The following MUC20 variants were observed in gnomAD, a reference collection of about 807,000 sequenced individuals.
MUC20 encodes mucin 20, cell surface associated.
A neutral mutation model predicts 23.8 loss-of-function variants in MUC20; 14 were observed. The observed-to-expected ratio is 0.59, with a 90% CI of 0.39 to 0.92. The LOEUF (loss-of-function observed/expected upper bound fraction) is 0.92. Ranked by LOEUF, MUC20 falls within the 40% of genes least tolerant of loss-of-function variation. The probability of loss-of-function intolerance (pLI) is 0.00; values close to 1 mark genes in which losing one functional copy is unlikely to be tolerated. For missense variants in MUC20, 375 were observed against 668.8 expected (o/e 0.56, Z 4.85); for synonymous variants, 166 against 279.3 (o/e 0.59, Z 4.04).
chr3:195,732,816 A>G (rs1274163348), intron 3 of MUC20, among the ~76,000 whole-genome samples: 1 of 152,238 alleles, frequency 6.6e-6, no homozygotes, highest in Non-Finnish European at 1.5e-5. Context: ...GGACAGCCCA[A>G]CAGTTTGGGC....
Position 195,726,128 on chromosome 3 carries a change from G to T in MUC20, c.1525G>T (p.Glu509Ter), listed in dbSNP as rs757903437. ...PLPTNSATER[E>*]VTAPGATTLS... is the part of the protein sequence containing the mutation. ...CCCCACTAACAGCGCCACAGAAAGAGAAGTGACAGCACCCGGGGCCACGAC... is the reference window on the plus strand; with the variant it reads ...CCCCACTAACAGCGCCACAGAAAGATAAGTGACAGCACCCGGGGCCACGAC... The change falls in exon 2 of 4, where the codon GAA (glutamate) becomes TAA (stop). Residue 509 changes from glutamate (E) to a stop codon, truncating the protein, a stop_gained. Coordinates refer to ENST00000447234, the MANE Select transcript of MUC20 (RefSeq NM_001282506.2). LOFTEE classifies it high-confidence loss of function. 4 of 1,608,730 alleles carry T rather than the reference G, an allele frequency of 2.5e-6. No homozygotes were observed. Among genetic ancestry groups the T allele is most frequent in the South Asian group, 2.2e-5 (2 of 90,914 alleles).
chr3:195,729,932 AT>A, intron 3 of MUC20, 193 bp downstream of exon 3: 1 of 623,748 alleles, frequency 1.6e-6, no homozygotes, highest in Admixed American at 2.9e-5. Context: ...CGAGTTCTTC[AT>A]TTCCTTCTCT....
chr3:195,725,797 C>T lies in MUC20; in HGVS notation c.1194C>T (p.Pro398=), dbSNP rs201581458. 2 of 682,780 alleles carry T rather than the reference C, an allele frequency of 2.9e-6. No individual in the cohort carries two copies. The highest frequency in any genetic ancestry group is 4.3e-6 in the Non-Finnish European group (2 of 463,680). The allele number at this position is 682,780 out of a possible 1,614,324, so 42.3% of individuals were successfully genotyped here. The change falls in exon 2 of 4, where the codon CCC becomes CCT. Residue 398 remains proline (P), a synonymous_variant. Transcript: ENST00000447234. ...SSDGPHPVIT[P]SWSPGSDVTL... ...ACGGCCCCCATCCAGTCATCACCCC[C>T]TCATGGTCCCCGGGATCTGACGTCA... is the stretch of plus-strand genomic sequence containing the variant.
At position 195,725,805 on chromosome 3, in the gene MUC20, C is replaced by T; in HGVS notation, c.1202C>T (p.Ser401Phe). Residue 401 changes from serine to phenylalanine, a missense_variant, in exon 2 of 4, where the codon TCC (serine) becomes TTC (phenylalanine). Physicochemically the swap from Ser to Phe is radical, Grantham distance 155. Transcript: ENST00000447234. ...GPHPVITPSW[S>F]PGSDVTLLAE... The stretch of plus-strand genomic sequence containing the variant: ...CATCCAGTCATCACCCCCTCATGGT[C>T]CCCGGGATCTGACGTCACTCTCCTC... The T allele has an allele frequency of 6.4e-7, 1 of 1,569,294 alleles. No individual in the cohort carries two copies. Among genetic ancestry groups the T allele is most frequent in the Non-Finnish European group, 8.7e-7 (1 of 1,147,660 alleles).
intron 1 of MUC20, among the ~76,000 whole-genome samples, chr3:195,723,094 G>A (rs868173068): frequency 0.064 from 8,983 of 141,314 alleles, 3 homozygotes; most frequent in African/African-American, 0.23. Flanking sequence ...ATGGAGGCTG[G>A]GAGGGGTCTA....
chr3:195,721,053 TG>T lies in MUC20; in HGVS notation c.49del (p.Glu17ArgfsTer20). ...GLALPLFFFC[W>X]EVGVSGSSAG... ...GGCTCTGCCCCTTTTCTTCTTCTGCTGGGAGGTTGGGGTCTCTGGGAGCTCT... is the reference window on the plus strand; with the variant it reads ...GGCTCTGCCCCTTTTCTTCTTCTGCTGGAGGTTGGGGTCTCTGGGAGCTCT... On this transcript the variant is annotated frameshift_variant, in exon 1 of 4. Coordinates refer to ENST00000447234, the MANE Select transcript of MUC20 (RefSeq NM_001282506.2). LOFTEE classifies it high-confidence loss of function. 6.3e-7 allele frequency: 1 copy of T among 1,589,458 alleles called. No individual in the cohort carries two copies. The highest frequency in any genetic ancestry group is 1.2e-5 in the South Asian group (1 of 86,806).
chr3:195,726,599 G>C (rs373208364), intron 2 of MUC20, 27 bp downstream of exon 2: 1 of 1,543,946 alleles, frequency 6.5e-7, no homozygotes, highest in Admixed American at 1.7e-5. Flanking sequence ...GGTGATCTTC[G>C]GGGATTTGGG....
rs781501190 is a variant in MUC20, at chr3:195,726,528, C to A, written c.1925C>A (p.Thr642Lys). Residue 642 changes from threonine (T) to lysine (K), a missense_variant, in exon 2 of 4, where the codon ACG (threonine) becomes AAG (lysine). Thr to Lys is a moderately conservative substitution (Grantham distance 78). Transcript: ENST00000447234. ...ACCACGATGAAGCCCCCAACAGCCA[C>A]GCCCACGACTGCCCGGACGAGGCCG... ...AKTTMKPPTA[T>K]PTTARTRPTT... is the part of the protein sequence containing the mutation. 3.1e-6 allele frequency: 5 copies of A among 1,614,008 alleles called. No individual in the cohort carries two copies. Among genetic ancestry groups the A allele is most frequent in the Admixed American group, 1.7e-5 (1 of 60,032 alleles).
chr3:195,728,189 T>G (rs1239629822), intron 2 of MUC20, among the ~76,000 whole-genome samples: 1 of 152,262 alleles, frequency 6.6e-6, no homozygotes, highest in Non-Finnish European at 1.5e-5. Flanking sequence ...AGAGACAAAG[T>G]ATAGAGAAAC....
rs368978699 is a variant in MUC20 at position 195,733,167 on chromosome 3, C to T, written c.2079C>T (p.His693=). 1.0e-4 allele frequency: 165 copies of T among 1,593,252 alleles called. No individual in the cohort carries two copies. The African/African-American group carries it at 1.6e-3, about 15-fold the overall frequency. ...RLMQQLHREL[H]AHAPHFQVSL... ...CTCTCCAGCTCCACCGGGAACTCCACGCCCACGCGCCTCACTTCCAGGTCT... is the reference window on the plus strand; with the variant it reads ...CTCTCCAGCTCCACCGGGAACTCCATGCCCACGCGCCTCACTTCCAGGTCT... The change falls in exon 4 of 4, where the codon CAC becomes CAT. Residue 693 remains histidine (H), a synonymous_variant. Coordinates refer to ENST00000447234, the MANE Select transcript of MUC20 (RefSeq NM_001282506.2).
rs201907823 is a variant in MUC20, at chr3:195,721,040, TTTC to T, written c.41_43del (p.Phe14del). Reference sequence around the variant, plus strand: ...GTCTCTGGGGTCTGGCTCTGCCCCTTTTCTTCTTCTGCTGGGAGGTTGGGGTCT... The same window carrying T: ...GTCTCTGGGGTCTGGCTCTGCCCCTTTTCTTCTGCTGGGAGGTTGGGGTCT... On this transcript the variant is annotated inframe_deletion, in exon 1 of 4. Transcript: ENST00000447234. 0.014 allele frequency: 22,450 copies of T among 1,560,140 alleles called. 34 individuals carry two copies. Among genetic ancestry groups the T allele is most frequent in the African/African-American group, 0.083 (5,551 of 67,070 alleles).
At chr3:195,727,653 C>T (rs1036333306) in intron 2 of MUC20, among the ~76,000 whole-genome samples, 10 of 152,292 alleles carry the variant, frequency 6.6e-5, no homozygotes. Context: ...TATTGAATAT[C>T]TTTCATGTTA....
chr3:195,729,871 G>A (rs1060477), intron 3 of MUC20, 132 bp downstream of exon 3: 62,512 of 859,166 alleles, frequency 0.073, 4 homozygotes, highest in East Asian at 0.41. Context: ...ACGGAGAATT[G>A]GGAGCTGAAT....
Position 195,733,339 on chromosome 3 carries a change from A to G in MUC20, c.*121A>G, listed in dbSNP as rs1713597783. 3 of 1,513,044 alleles carry G rather than the reference A, an allele frequency of 2.0e-6. No homozygotes were observed. Among genetic ancestry groups the G allele is most frequent in the South Asian group, 2.6e-5 (2 of 78,060 alleles). 93.7% of individuals were successfully genotyped at this position (1,513,044 alleles called of 1,614,324 possible). ...GCTGAGAGGTACCCAGAAGGTTCCC[A>G]TGAAGGGCAGCATGTCCAAGCCCCT... On this transcript the variant is annotated 3_prime_UTR_variant, in exon 4 of 4. Coordinates refer to ENST00000447234, the MANE Select transcript of MUC20 (RefSeq NM_001282506.2).
Position 195,733,327 on chromosome 3 carries a change from C to G in MUC20, c.*109C>G. On this transcript the variant is annotated 3_prime_UTR_variant, in exon 4 of 4. Transcript: ENST00000447234. ...CTGCGTTACTGTGCTGAGAGGTACC[C>G]AGAAGGTTCCCATGAAGGGCAGCAT... 1.3e-6 allele frequency: 2 copies of G among 1,522,752 alleles called. No homozygotes were observed. The highest frequency in any genetic ancestry group is 1.3e-5 in the South Asian group (1 of 79,998). 94.3% of individuals were successfully genotyped at this position (1,522,752 alleles called of 1,614,324 possible).
intron 3 of MUC20, among the ~76,000 whole-genome samples, chr3:195,730,846 G>A (rs1435701039): frequency 1.3e-5 from 2 of 152,206 alleles, no homozygotes; most frequent in Admixed American, 6.5e-5. Context: ...GTACAAGTTG[G>A]GAAAATTCTC....
chr3:195,733,060 C>G (rs1002674641), intron 3 of MUC20, 90 bp from the exon 4 acceptor site: 1 of 1,410,722 alleles, frequency 7.1e-7, no homozygotes, highest in Non-Finnish European at 9.8e-7. Context: ...TCCGCATGCA[C>G]TCTGCCCCAG....
intron 3 of MUC20, 157 bp downstream of exon 3, chr3:195,729,896 C>T (rs1577860896): frequency 1.3e-6 from 1 of 744,408 alleles, no homozygotes; most frequent in South Asian, 1.8e-5. Context: ...GGATCTCTGC[C>T]TGGCTTTGCT....
chr3:195,726,309 G>T lies in MUC20; in HGVS notation c.1706G>T (p.Ser569Ile), dbSNP rs1183867964. The T allele has an allele frequency of 2.5e-6, 4 of 1,614,072 alleles. No individual in the cohort carries two copies. Among genetic ancestry groups the T allele is most frequent in the Non-Finnish European group, 3.4e-6 (4 of 1,179,908 alleles). The change falls in exon 2 of 4, where the codon AGC becomes ATC. Residue 569 changes from serine (S) to isoleucine (I), a missense_variant. Coordinates refer to ENST00000447234, the MANE Select transcript of MUC20 (RefSeq NM_001282506.2). Reference protein sequence around the residue: ...AVGKTTSFAGSSASSYSPSEA... With the variant: ...AVGKTTSFAGISASSYSPSEA... The stretch of plus-strand genomic sequence containing the variant: ...GGCAAAACAACTTCCTTTGCTGGGA[G>T]CTCTGCTTCCTCCTACAGCCCCTCG...
Sources: allele counts gnomAD v4.1 joint callset (sites outside exome capture counted in the v4.1 genomes callset), GRCh38; gene constraint gnomAD v4.1.1; transcripts MANE v1.5; gene names NCBI Gene and HGNC (gene_info 2026-07-23, HGNC 2026-07-21).